SUPT3H: variants seen among roughly 807,000 people sequenced by gnomAD.
SUPT3H encodes the protein transcription initiation protein SPT3 homolog.
Under a neutral mutation model 44.3 loss-of-function variants are expected in SUPT3H, and 44 were observed. The observed-to-expected ratio is 0.99, with a 90% confidence interval of 0.78 to 1.28. SUPT3H has a LOEUF of 1.28. SUPT3H is among the 50% of genes most tolerant of loss of function. SUPT3H has a pLI of 0.00. For synonymous variants in SUPT3H, 124 were observed against 125.6 expected, an observed-to-expected ratio of 0.99 and a Z score of 0.09; for missense variants, 380 against 387.1, an observed-to-expected ratio of 0.98 and a Z score of 0.15.
In SUPT3H at chr6:45,269,072, T is replaced by C. The variant is rs541605754; in HGVS notation, c.101+96129A>G. On this transcript the variant is annotated intron_variant, in intron 2 of 10. Coordinates refer to ENST00000371459, the MANE Select transcript of SUPT3H (RefSeq NM_003599.4). ...AAATAAGTAAAGCTTGGGTATATCA[T>C]ACTCCAATCACCACAGCTAGTGAAA... Among the ~76,000 whole-genome samples the C allele has an allele frequency of 5.9e-5, 9 of 152,270 alleles. No individual in the cohort carries two copies. The South Asian group carries it at 1.9e-3, about 31-fold the overall frequency.
intron 3 of SUPT3H, among the ~76,000 whole-genome samples, chr6:45,043,351 T>C (rs144504459): frequency 1.3e-5 from 2 of 152,300 alleles, no homozygotes; most frequent in African/African-American, 4.8e-5. Context: ...GTCAGGGATA[T>C]ATGTACAGGT....
At chr6:44,959,354 C>T (rs1288382848) in intron 7 of SUPT3H, among the ~76,000 whole-genome samples, 1 of 151,760 alleles carries the variant, frequency 6.6e-6, no homozygotes, top group Admixed American at 6.6e-5. Context: ...GGAGAAAAAG[C>T]AAATTAAAAA....
chr6:44,878,077 C>T (rs1777592455), intron 10 of SUPT3H, among the ~76,000 whole-genome samples: 1 of 152,190 alleles, frequency 6.6e-6, no homozygotes, highest in Admixed American at 6.5e-5. Context: ...AGAATGCTAA[C>T]ATGGGCCAAA....
intron 6 of SUPT3H, among the ~76,000 whole-genome samples, chr6:44,962,556 G>T (rs74498271): frequency 8.1e-6 from 1 of 123,488 alleles, no homozygotes; most frequent in Admixed American, 8.9e-5. Context: ...GCCCAGCGAA[G>T]AAAAAAAAAA....
intron 9 of SUPT3H, among the ~76,000 whole-genome samples, chr6:44,939,753 G>T (rs971326877): frequency 2.0e-5 from 3 of 151,974 alleles, no homozygotes; most frequent in Non-Finnish European, 4.4e-5. Context: ...GTCTATTCAG[G>T]ATTTCTATTT....
intron 2 of SUPT3H, among the ~76,000 whole-genome samples, chr6:45,135,231 A>G (rs985784562): frequency 1.3e-5 from 2 of 152,116 alleles, no homozygotes; most frequent in African/African-American, 4.8e-5. Context: ...AAAGGTCTCT[A>G]AAAGGCCTTT....
Position 44,953,409 on chromosome 6 carries a change from A to C in SUPT3H, c.702T>G (p.Asp234Glu). Residue 234 changes from aspartate to glutamate, a missense_variant, in exon 9 of 11, where the codon GAT (aspartate) becomes GAG (glutamate). By Grantham distance (45) the Asp-to-Glu change is conservative (BLOSUM62 2). Transcript: ENST00000371459. ...LAYETVAQLVDLALLVRQDMV... is the reference protein window; with the variant it reads ...LAYETVAQLVELALLVRQDMV... ...TGTCTTGCCTCACAAGAAGAGCCAG[A>C]TCCACTAACTAGAAGACCAGAAGAA... 1.2e-6 allele frequency: 2 copies of C among 1,613,870 alleles called. No homozygotes were observed. Among genetic ancestry groups the C allele is most frequent in the Non-Finnish European group, 1.7e-6 (2 of 1,179,752 alleles).
intron 2 of SUPT3H, among the ~76,000 whole-genome samples, chr6:45,123,362 T>C (rs1322682935): frequency 2.0e-5 from 3 of 151,614 alleles, no homozygotes; most frequent in African/African-American, 7.3e-5. Flanking sequence ...TTTTAAATTG[T>C]ATCATTTATT....
intron 6 of SUPT3H, among the ~76,000 whole-genome samples, chr6:44,963,236 C>T (rs546788604): frequency 2.6e-5 from 4 of 152,184 alleles, no homozygotes; most frequent in South Asian, 2.1e-4. Context: ...TGGTGGCTCA[C>T]GCCTGTAATC....
At chr6:45,228,608 A>G (rs947974479) in intron 2 of SUPT3H, among the ~76,000 whole-genome samples, 1 of 152,004 alleles carries the variant, frequency 6.6e-6, no homozygotes, top group Non-Finnish European at 1.5e-5. Context: ...CACACACACT[A>G]TTGGTTTTCT....
chr6:45,336,757 T>C (rs1581686148), intron 2 of SUPT3H, among the ~76,000 whole-genome samples: 1 of 151,466 alleles, frequency 6.6e-6, no homozygotes, highest in Non-Finnish European at 1.5e-5. Context: ...TACAAAAAGA[T>C]AGGAAGTGAT....
At chr6:45,283,336 A>G (rs569439365) in intron 2 of SUPT3H, among the ~76,000 whole-genome samples, 159 of 152,302 alleles carry the variant, frequency 1.0e-3, no homozygotes, top group African/African-American at 3.8e-3. Flanking sequence ...GTATTCAGGA[A>G]ACCCACCTCA....
chr6:45,166,256 T>G (rs1431381475), intron 2 of SUPT3H, among the ~76,000 whole-genome samples: 1 of 152,000 alleles, frequency 6.6e-6, no homozygotes, highest in East Asian at 1.9e-4. Flanking sequence ...TGCACTGCTG[T>G]ACTTCAGCCT....
intron 10 of SUPT3H, among the ~76,000 whole-genome samples, chr6:44,832,425 C>CAGAA (rs1581876724): frequency 1.3e-5 from 2 of 152,018 alleles, no homozygotes; most frequent in African/African-American, 4.8e-5. Flanking sequence ...AGGCTTTGAC[C>CAGAA]AGAAAGAGTC....
chr6:45,014,898 A>C lies in SUPT3H; in HGVS notation c.274-7T>G. ...GCAGTCTTCTAAGTTTTTTCTATTA[A>C]AAATATAAAATAAGTAAATAAGAAA... On this transcript the variant is annotated splice_polypyrimidine_tract_variant and splice_region_variant and intron_variant, in intron 4 of 10. Coordinates refer to ENST00000371459, the MANE Select transcript of SUPT3H (RefSeq NM_003599.4). 1 of 1,462,678 alleles carries C rather than the reference A, an allele frequency of 6.8e-7. No homozygotes were observed. Among genetic ancestry groups the C allele is most frequent in the Non-Finnish European group, 9.1e-7 (1 of 1,094,800 alleles). 90.6% of individuals were successfully genotyped at this position (1,462,678 alleles called of 1,614,324 possible). A position where few individuals can be genotyped will look rare whatever the true frequency, so the allele number is the denominator to read the frequency against.
intron 2 of SUPT3H, among the ~76,000 whole-genome samples, chr6:45,308,647 C>T (rs147183540): frequency 9.2e-5 from 14 of 151,586 alleles, no homozygotes; most frequent in African/African-American, 2.7e-4. Flanking sequence ...ATGTAAATGA[C>T]GAGTTAATGG....
intron 2 of SUPT3H, among the ~76,000 whole-genome samples, chr6:45,111,629 C>T (rs1056696882): frequency 2.7e-5 from 4 of 150,100 alleles, no homozygotes; most frequent in African/African-American, 4.9e-5. Context: ...AACAATTACC[C>T]TTATTATTTC....
At chr6:45,287,435 G>C (rs1376423036) in intron 2 of SUPT3H, among the ~76,000 whole-genome samples, 3 of 151,976 alleles carry the variant, frequency 2.0e-5, no homozygotes, top group African/African-American at 2.4e-5. Flanking sequence ...AAAAAGAAAG[G>C]AAATTCTGTA....
At chr6:45,282,965 A>T (rs1159334576) in intron 2 of SUPT3H, among the ~76,000 whole-genome samples, 3 of 152,176 alleles carry the variant, frequency 2.0e-5, no homozygotes, top group African/African-American at 7.2e-5. Context: ...TTAACCCAGA[A>T]TTTCATATCC....
Sources: allele counts gnomAD v4.1 joint callset (sites outside exome capture counted in the v4.1 genomes callset), GRCh38; gene constraint gnomAD v4.1.1; transcripts MANE v1.5; gene names NCBI Gene and HGNC (gene_info 2026-07-23, HGNC 2026-07-21).